PPP1R9A: variants seen among roughly 807,000 people sequenced by gnomAD.
The protein encoded by PPP1R9A is neurabin-1.
Under a neutral mutation model 141.9 loss-of-function variants are expected in PPP1R9A, and 59 were observed. The observed-to-expected ratio is 0.42, with a 90% CI of 0.34 to 0.52. PPP1R9A has a LOEUF of 0.52. Among genes scored for constraint, PPP1R9A ranks in the 20% least tolerant of loss-of-function variants. The pLI, the probability that PPP1R9A is intolerant of heterozygous loss-of-function variation, is 0.10. For synonymous variants in PPP1R9A, 500 were observed against 569.7 expected, an observed-to-expected ratio of 0.88 and a Z score of 1.74; for missense variants, 1,444 against 1,611.9, an observed-to-expected ratio of 0.90 and a Z score of 1.78.
At chr7:95,019,587 G>A (rs1424116657) in intron 2 of PPP1R9A, among the ~76,000 whole-genome samples, 5 of 151,910 alleles carry the variant, frequency 3.3e-5, no homozygotes, top group Non-Finnish European at 7.4e-5. Context: ...AAAATAGTGG[G>A]CAAAATTTTT....
At chr7:95,070,620 C>CATATATATATAT (rs1813678830) in intron 2 of PPP1R9A, among the ~76,000 whole-genome samples, 3 of 79,094 alleles carry the variant, frequency 3.8e-5, no homozygotes, top group Admixed American at 1.1e-4. Context: ...TACACACACA[C>CATATATATATAT]ACACATATAT....
intron 10 of PPP1R9A, among the ~76,000 whole-genome samples, chr7:95,251,457 C>A (rs1258950140): frequency 6.6e-6 from 1 of 152,162 alleles, no homozygotes; most frequent in Non-Finnish European, 1.5e-5. Context: ...TAATTATCTC[C>A]ACTAAATTAC....
At chr7:95,097,386 T>C (rs1439593029) in intron 2 of PPP1R9A, among the ~76,000 whole-genome samples, 1 of 149,884 alleles carries the variant, frequency 6.7e-6, no homozygotes, top group East Asian at 1.9e-4. Flanking sequence ...TTAATAAGGA[T>C]TTGAAGTAAG....
chr7:95,255,600 C>T (rs898171667), intron 12 of PPP1R9A, among the ~76,000 whole-genome samples: 2 of 151,770 alleles, frequency 1.3e-5, no homozygotes, highest in Admixed American at 1.3e-4. Context: ...TAGGTCCTGC[C>T]GATTATACTG....
At chr7:95,048,972 T>G (rs1055105547) in intron 2 of PPP1R9A, among the ~76,000 whole-genome samples, 2 of 151,128 alleles carry the variant, frequency 1.3e-5, no homozygotes, top group African/African-American at 4.9e-5. Context: ...AAAAATGACT[T>G]GGGCATTTCA....
intron 7 of PPP1R9A, among the ~76,000 whole-genome samples, chr7:95,216,594 A>G (rs890235994): frequency 1.3e-5 from 2 of 152,186 alleles, no homozygotes; most frequent in South Asian, 2.1e-4. Flanking sequence ...CTACCTATCC[A>G]TGAGCATGGA....
At chr7:95,254,646 G>A (rs1409081443) in intron 12 of PPP1R9A, among the ~76,000 whole-genome samples, 1 of 152,142 alleles carries the variant, frequency 6.6e-6, no homozygotes, top group Non-Finnish European at 1.5e-5. Flanking sequence ...AGCTCATGAA[G>A]CAAAAGAATG....
chr7:94,924,604 C>T (rs879355857), intron 2 of PPP1R9A, among the ~76,000 whole-genome samples: 4 of 152,206 alleles, frequency 2.6e-5, no homozygotes, highest in African/African-American at 7.2e-5. Flanking sequence ...TCTCAGCTTA[C>T]TGCAACTTCC....
chr7:95,165,865 G>T (rs572014085), intron 5 of PPP1R9A, among the ~76,000 whole-genome samples: 3 of 152,220 alleles, frequency 2.0e-5, no homozygotes, highest in African/African-American at 4.8e-5. Flanking sequence ...ATTGAAAATT[G>T]GGTCAGGCGC....
intron 2 of PPP1R9A, among the ~76,000 whole-genome samples, chr7:94,918,977 G>A (rs182230627): frequency 1.3e-5 from 2 of 152,292 alleles, no homozygotes; most frequent in Non-Finnish European, 2.9e-5. Flanking sequence ...GAGACAGTAG[G>A]ATTCAAGAAG....
chr7:95,106,840 C>T (rs186278404), intron 2 of PPP1R9A, among the ~76,000 whole-genome samples: 165 of 151,876 alleles, frequency 1.1e-3, no homozygotes, highest in African/African-American at 3.9e-3. Flanking sequence ...TATTATGTCA[C>T]CCAGGCTTGA....
intron 2 of PPP1R9A, among the ~76,000 whole-genome samples, chr7:94,970,602 C>T (rs1193861400): frequency 6.7e-6 from 1 of 149,598 alleles, no homozygotes; most frequent in Non-Finnish European, 1.5e-5. Context: ...CAGACTGGAG[C>T]TGTTCCTATT....
intron 2 of PPP1R9A, among the ~76,000 whole-genome samples, chr7:94,924,528 GC>G (rs1286942646): frequency 2.0e-5 from 3 of 152,036 alleles, no homozygotes; most frequent in Non-Finnish European, 4.4e-5. Context: ...AACTCTGACT[GC>G]ATTATTAGCA....
chr7:95,075,760 C>G (rs565325006), intron 2 of PPP1R9A, among the ~76,000 whole-genome samples: 2 of 152,096 alleles, frequency 1.3e-5, no homozygotes, highest in South Asian at 4.2e-4. Context: ...TGGTGTGAAC[C>G]TGGGAGTCAG....
At chr7:95,282,578 T>A (rs1804476854) in intron 16 of PPP1R9A, among the ~76,000 whole-genome samples, 1 of 152,136 alleles carries the variant, frequency 6.6e-6, no homozygotes, top group African/African-American at 2.4e-5. Context: ...GAATTTACAT[T>A]AAGGAGATAA....
At chr7:94,981,832 T>A (rs1312450782) in intron 2 of PPP1R9A, among the ~76,000 whole-genome samples, 1 of 152,180 alleles carries the variant, frequency 6.6e-6, no homozygotes, top group Non-Finnish European at 1.5e-5. Flanking sequence ...AATTTAATTT[T>A]TTTTAATTAT....
At chr7:95,268,498 C>T in intron 12 of PPP1R9A, 52 bp from the exon 13 acceptor site, 1 of 1,595,994 alleles carries the variant, frequency 6.3e-7, no homozygotes, top group East Asian at 2.2e-5. Context: ...GTGGTCTCTT[C>T]ATCAGTTCTC....
intron 1 of PPP1R9A, among the ~76,000 whole-genome samples, chr7:94,909,555 T>C (rs1455125150): frequency 6.6e-6 from 1 of 152,200 alleles, no homozygotes; most frequent in Non-Finnish European, 1.5e-5. Flanking sequence ...GAACTGCTGG[T>C]TTCTTTTTAA....
rs977867436 is a variant in PPP1R9A, at chr7:95,074,471, T to G, written c.1396-36788T>G. Among the ~76,000 whole-genome samples the G allele has an allele frequency of 1.5e-4, 17 of 111,232 alleles. 1 individual carries two copies. Among genetic ancestry groups the G allele is most frequent in the African/African-American group, 3.7e-4 (10 of 26,792 alleles). 73.0% of individuals were successfully genotyped at this position (111,232 alleles called of 152,430 possible). On this transcript the variant is annotated intron_variant, in intron 2 of 19. Coordinates refer to ENST00000433360, the MANE Select transcript of PPP1R9A (RefSeq NM_001166160.2). ...GACTACATTGCTTTTTTTTGTTTTT[T>G]TTTTTTTTGTTGTTTTTTTTGAGAC...
Sources: allele counts gnomAD v4.1 joint callset (sites outside exome capture counted in the v4.1 genomes callset), GRCh38; gene constraint gnomAD v4.1.1; transcripts MANE v1.5; gene names NCBI Gene and HGNC (gene_info 2026-07-23, HGNC 2026-07-21).